The following MYPN variants were observed in gnomAD, a reference collection of about 807,000 sequenced individuals.
The protein encoded by MYPN is myopalladin.
Under a neutral mutation model 129.4 loss-of-function variants are expected in MYPN, and 63 were observed. The observed-to-expected ratio is 0.49, with a 90% CI of 0.40 to 0.60. The LOEUF (loss-of-function observed/expected upper bound fraction) is 0.60, where lower values mean the gene tolerates loss of function less well. Among genes scored for constraint, MYPN ranks in the 20% least tolerant of loss-of-function variants. The pLI is 0.00. For missense variants in MYPN, 1,596 were observed against 1,635.4 expected (o/e 0.98, Z 0.42); for synonymous variants, 629 against 600.9 (o/e 1.05, Z -0.68).
intron 1 of MYPN, among the ~76,000 whole-genome samples, chr10:68,119,691 C>T (rs557464723): frequency 2.1e-4 from 32 of 152,284 alleles, no homozygotes; most frequent in Non-Finnish European, 4.0e-4. Flanking sequence ...GGATCATAGG[C>T]GTGCGCCGCT....
intron 12 of MYPN, among the ~76,000 whole-genome samples, chr10:68,185,157 GGAGGGAA>G: frequency 7.0e-6 from 1 of 142,794 alleles, no homozygotes; most frequent in African/African-American, 2.8e-5. Flanking sequence ...AGGGAGGGAG[GGAGGGAA>G]GGAGGGAAGG....
At chr10:68,129,133 A>G (rs755371532) in intron 2 of MYPN, among the ~76,000 whole-genome samples, 1 of 152,094 alleles carries the variant, frequency 6.6e-6, no homozygotes, top group Non-Finnish European at 1.5e-5. Flanking sequence ...GGACAGGCAA[A>G]TTCACAGGCC....
intron 2 of MYPN, chr10:68,135,356 T>C (rs2042470621): frequency 2.9e-6 from 1 of 342,636 alleles, no homozygotes; most frequent in Non-Finnish European, 4.1e-6. Flanking sequence ...TTAAGTTTAC[T>C]AACTCAGTAG....
intron 1 of MYPN, among the ~76,000 whole-genome samples, chr10:68,115,177 T>C (rs2042138154): frequency 6.7e-6 from 1 of 148,204 alleles, no homozygotes; most frequent in African/African-American, 2.5e-5. Flanking sequence ...GTGAGTTGCT[T>C]GAACCCAGGA....
At chr10:68,165,309 G>A (rs10823145) in intron 8 of MYPN, among the ~76,000 whole-genome samples, 61,878 of 151,910 alleles carry the variant, frequency 0.41, 14,291 homozygotes, top group Non-Finnish European at 0.52. Context: ...AAAATTAGCC[G>A]GGCTTGGTGG....
At chr10:68,161,819 GA>G (rs775788147) in intron 8 of MYPN, 67 bp downstream of exon 8, 24 of 1,210,830 alleles carry the variant, frequency 2.0e-5, no homozygotes, top group Middle Eastern at 2.2e-4. Flanking sequence ...AATACATAAT[GA>G]AGTTACACTG....
At chr10:68,117,320 T>C (rs1179200976) in intron 1 of MYPN, among the ~76,000 whole-genome samples, 2 of 151,650 alleles carry the variant, frequency 1.3e-5, no homozygotes, top group Non-Finnish European at 2.9e-5. Context: ...CCACCTTCTA[T>C]GTGCTATGTG....
intron 2 of MYPN, among the ~76,000 whole-genome samples, chr10:68,131,250 A>G (rs1331670353): frequency 6.6e-6 from 1 of 152,066 alleles, no homozygotes; most frequent in African/African-American, 2.4e-5. Flanking sequence ...TTAGCAGAGC[A>G]TAGTGGCGGG....
rs1342724141 is a variant in MYPN, at chr10:68,158,584, G to A, written c.1416G>A (p.Gly472=). The change falls in exon 7 of 20, where the codon GGG becomes GGA. Residue 472 remains glycine (G), a synonymous_variant. Transcript: ENST00000358913. Reference sequence around the variant, plus strand: ...CTAAGGTTGAGTGGTATAGAGAAGGGACTTTAATAGAAGATTCTCCAGATT... The same window carrying A: ...CTAAGGTTGAGTGGTATAGAGAAGGAACTTTAATAGAAGATTCTCCAGATT... ...PSPKVEWYRE[G]TLIEDSPDFR... 3.7e-6 allele frequency: 6 copies of A among 1,603,044 alleles called. No homozygotes were observed. Among genetic ancestry groups the A allele is most frequent in the Non-Finnish European group, 5.1e-6 (6 of 1,170,214 alleles).
chr10:68,127,663 A>G (rs2042348018), intron 2 of MYPN, among the ~76,000 whole-genome samples: 1 of 152,034 alleles, frequency 6.6e-6, no homozygotes, highest in Non-Finnish European at 1.5e-5. Flanking sequence ...AAGATAAAGT[A>G]GTGCTATTGA....
Position 68,195,432 on chromosome 10 carries a change from T to C in MYPN, c.3076-18T>C. ...GAGATTGTTCTTGTTTTAATCTTGCTCTTTTTCTGTTTGTCAGGGGAGAAT... is the reference window on the plus strand; with the variant it reads ...GAGATTGTTCTTGTTTTAATCTTGCCCTTTTTCTGTTTGTCAGGGGAGAAT... On this transcript the variant is annotated intron_variant, in intron 14 of 19. Transcript: ENST00000358913. 1 of 1,611,774 alleles carries C rather than the reference T, an allele frequency of 6.2e-7. No homozygotes were observed. The highest frequency in any genetic ancestry group is 8.5e-7 in the Non-Finnish European group (1 of 1,177,846).
intron 1 of MYPN, among the ~76,000 whole-genome samples, chr10:68,092,785 C>G (rs1395677283): frequency 6.6e-6 from 1 of 152,068 alleles, no homozygotes; most frequent in Non-Finnish European, 1.5e-5. Flanking sequence ...TTCTTATACT[C>G]ATTGTAAATT....
At chr10:68,158,679 T>C in intron 7 of MYPN, 52 bp downstream of exon 7, 1 of 1,274,518 alleles carries the variant, frequency 7.8e-7, no homozygotes, top group Non-Finnish European at 1.1e-6. Flanking sequence ...ATGAACTTAT[T>C]GTACACACTT....
intron 12 of MYPN, among the ~76,000 whole-genome samples, chr10:68,187,831 T>A (rs2043445758): frequency 6.6e-6 from 1 of 152,112 alleles, no homozygotes; most frequent in South Asian, 2.1e-4. Flanking sequence ...GAAGGAAATG[T>A]TTCAAAAGGA....
At position 68,203,741 on chromosome 10, in the gene MYPN, A is replaced by AGC. The variant is rs138792115; in HGVS notation, c.3659+1748_3659+1749insCG. 3.1e-3 allele frequency among the ~76,000 whole-genome samples: 462 copies of AGC among 150,200 alleles called. 2 individuals are homozygous for AGC. Among genetic ancestry groups the AGC allele is most frequent in the African/African-American group, 5.5e-3 (225 of 40,988 alleles). ...CACACAGAGAGAGAGAGAGAGAGAGAGAGAGATACAGTTGCTCCTCAACTT... is the reference window on the plus strand; with the variant it reads ...CACACAGAGAGAGAGAGAGAGAGAGAGCGAGAGATACAGTTGCTCCTCAACTT... On this transcript the variant is annotated intron_variant, in intron 18 of 19. Coordinates refer to ENST00000358913, the MANE Select transcript of MYPN (RefSeq NM_032578.4).
At chr10:68,157,781 G>T (rs1291959561) in intron 6 of MYPN, among the ~76,000 whole-genome samples, 1 of 150,580 alleles carries the variant, frequency 6.6e-6, no homozygotes, top group Non-Finnish European at 1.5e-5. Context: ...GGTTGAAGCT[G>T]CAGTGAGCCA....
chr10:68,148,229 T>A, intron 4 of MYPN, 124 bp from the exon 5 acceptor site: 1 of 826,866 alleles, frequency 1.2e-6, no homozygotes. Flanking sequence ...TTGTAAAATA[T>A]CATCAAACCA....
At chr10:68,107,539 T>C (rs10997933), upstream of MYPN, among the ~76,000 whole-genome samples, 63,862 of 149,908 alleles carry the variant, frequency 0.43, 16,475 homozygotes, top group African/African-American at 0.7. Flanking sequence ...TTAGTAGAGA[T>C]GGGGTTTCGC....
At chr10:68,189,988 A>G (rs1382371595) in intron 13 of MYPN, among the ~76,000 whole-genome samples, 1 of 152,156 alleles carries the variant, frequency 6.6e-6, no homozygotes, top group East Asian at 1.9e-4. Flanking sequence ...CATTTCCACC[A>G]ACAGTGTATG....
Sources: allele counts gnomAD v4.1 joint callset (sites outside exome capture counted in the v4.1 genomes callset), GRCh38; gene constraint gnomAD v4.1.1; transcripts MANE v1.5; gene names NCBI Gene and HGNC (gene_info 2026-07-23, HGNC 2026-07-21).